Variants in ZMYM5 observed in about 807,000 individuals in gnomAD.
ZMYM5 encodes zinc finger MYM-type protein 5.
Under a neutral mutation model 61.8 loss-of-function variants are expected in ZMYM5, and 41 were observed. The observed-to-expected ratio is 0.66, with a 90% CI of 0.52 to 0.86. The LOEUF (loss-of-function observed/expected upper bound fraction) is 0.86. ZMYM5 is among the 40% of genes least tolerant of loss of function. The pLI is 0.00. For missense variants in ZMYM5, 706 were observed against 786.7 expected, an observed-to-expected ratio of 0.90 and a Z score of 1.23; for synonymous variants, 257 against 276.4, an observed-to-expected ratio of 0.93 and a Z score of 0.70.
At chr13:19,848,019 G>A (rs1227607229) in intron 4 of ZMYM5, among the ~76,000 whole-genome samples, 2 of 151,646 alleles carry the variant, frequency 1.3e-5, no homozygotes, top group Admixed American at 6.6e-5. Context: ...CGCCCAGGCT[G>A]GAGTGCAGTG....
At chr13:19,835,317 C>T (rs1952641263) in intron 7 of ZMYM5, among the ~76,000 whole-genome samples, 160 bp downstream of exon 7, 1 of 152,080 alleles carries the variant, frequency 6.6e-6, no homozygotes, top group African/African-American at 2.4e-5. Flanking sequence ...TTAAAACAAG[C>T]TTACAACAAT....
intron 4 of ZMYM5, among the ~76,000 whole-genome samples, chr13:19,843,864 GT>G (rs1952980078): frequency 1.3e-5 from 2 of 151,296 alleles, no homozygotes; most frequent in African/African-American, 4.9e-5. Flanking sequence ...GCCAGGTGCG[GT>G]GGCTCACGCC....
intron 4 of ZMYM5, 72 bp downstream of exon 4, chr13:19,851,266 AATGTGAATAAAATAGAT>A: frequency 8.3e-7 from 1 of 1,207,438 alleles, no homozygotes; most frequent in Non-Finnish European, 1.2e-6. Context: ...AAAGCCACAG[AATGTGAATAAAATAGAT>A]ATGAGCTTTA....
intron 2 of ZMYM5, among the ~76,000 whole-genome samples, chr13:19,861,613 G>A (rs1315340447): frequency 2.0e-5 from 3 of 152,180 alleles, no homozygotes; most frequent in African/African-American, 7.2e-5. Context: ...TCACAAGTTT[G>A]TTTTTGATGA....
chr13:19,829,478 CAG>C (rs1891095668), intron 7 of ZMYM5, among the ~76,000 whole-genome samples: 1 of 151,980 alleles, frequency 6.6e-6, no homozygotes, highest in Non-Finnish European at 1.5e-5. Context: ...TTTGTAGAGA[CAG>C]GGGTCTCACC....
chr13:19,851,698 T>C lies in ZMYM5; in HGVS notation c.483A>G (p.Ser161=), dbSNP rs1326729811. 1 of 1,569,902 alleles carries C rather than the reference T, an allele frequency of 6.4e-7. No homozygotes were observed. Among genetic ancestry groups the C allele is most frequent in the Admixed American group, 2.0e-5 (1 of 49,852 alleles). The change falls in exon 3 of 8, where the codon TCA becomes TCG. Residue 161 remains serine (S), a synonymous_variant. Transcript: ENST00000337963. ...NDLDFSTSSL[S]RSKTKTGVRP... is the part of the protein sequence containing the mutation. Reference sequence around the variant, plus strand: ...CCATTCCTGCATTTACCTTACTTCTTGAAAGACTGGAAGTGGAGAAATCCA... The same window carrying C: ...CCATTCCTGCATTTACCTTACTTCTCGAAAGACTGGAAGTGGAGAAATCCA...
At chr13:19,841,399 C>T (rs1462319946) in intron 4 of ZMYM5, among the ~76,000 whole-genome samples, 4 of 152,210 alleles carry the variant, frequency 2.6e-5, no homozygotes, top group African/African-American at 9.6e-5. Flanking sequence ...CATTTAGCTT[C>T]TCTGCAGCCT....
intron 2 of ZMYM5, among the ~76,000 whole-genome samples, chr13:19,852,893 G>A (rs2138623849): frequency 6.6e-6 from 1 of 152,288 alleles, no homozygotes; most frequent in Non-Finnish European, 1.5e-5. Context: ...TGTTGTCCAG[G>A]CTGGAGTGCA....
intron 2 of ZMYM5, among the ~76,000 whole-genome samples, chr13:19,861,449 G>C (rs903412638): frequency 6.6e-6 from 1 of 152,280 alleles, no homozygotes; most frequent in Non-Finnish European, 1.5e-5. Context: ...ACTGTGCCCA[G>C]CCACTTTACC....
intron 6 of ZMYM5, among the ~76,000 whole-genome samples, chr13:19,837,284 G>T (rs1388951087): frequency 6.6e-6 from 1 of 152,088 alleles, no homozygotes; most frequent in Non-Finnish European, 1.5e-5. Flanking sequence ...CTCCCAAAGT[G>T]CTGGGATTAC....
intron 6 of ZMYM5, among the ~76,000 whole-genome samples, chr13:19,836,944 G>A (rs1029723413): frequency 6.6e-6 from 1 of 151,974 alleles, no homozygotes; most frequent in African/African-American, 2.4e-5. Context: ...TTCTTGTACC[G>A]GGATCTGCTG....
intron 4 of ZMYM5, among the ~76,000 whole-genome samples, chr13:19,850,137 T>C (rs1566103137): frequency 6.6e-6 from 1 of 151,836 alleles, no homozygotes; most frequent in African/African-American, 2.4e-5. Flanking sequence ...CCCTCACAAG[T>C]CACATAAAAG....
At chr13:19,837,024 GT>G (rs11449895) in intron 6 of ZMYM5, among the ~76,000 whole-genome samples, 1,856 of 143,922 alleles carry the variant, frequency 0.013, 36 homozygotes, top group African/African-American at 0.041. Context: ...GTTGTTTTTT[GT>G]TTTTTTTTTT....
intron 6 of ZMYM5, among the ~76,000 whole-genome samples, chr13:19,837,009 G>C (rs1392150106): frequency 6.7e-6 from 1 of 149,842 alleles, no homozygotes; most frequent in Non-Finnish European, 1.5e-5. Context: ...TTGTTAGATG[G>C]GTATGTTGTT....
chr13:19,833,489 C>G (rs972018059), intron 7 of ZMYM5, among the ~76,000 whole-genome samples: 12 of 152,102 alleles, frequency 7.9e-5, no homozygotes, highest in Admixed American at 3.3e-4. Flanking sequence ...TCTCTGTTAG[C>G]CCATTTGTTT....
chr13:19,835,433 G>A (rs1381698782), intron 7 of ZMYM5, 44 bp downstream of exon 7: 1 of 1,247,788 alleles, frequency 8.0e-7, no homozygotes, highest in Non-Finnish European at 1.1e-6. Context: ...TAAGGGTGAA[G>A]CTACTATATA....
chr13:19,844,319 A>G (rs114416479), intron 4 of ZMYM5, among the ~76,000 whole-genome samples: 35 of 152,268 alleles, frequency 2.3e-4, no homozygotes, highest in African/African-American at 8.2e-4. Flanking sequence ...CAAAAAATAA[A>G]TAAGTAAAAG....
At chr13:19,855,898 C>T (rs550621655) in intron 2 of ZMYM5, among the ~76,000 whole-genome samples, 1 of 151,906 alleles carries the variant, frequency 6.6e-6, no homozygotes, top group East Asian at 2.0e-4. Context: ...AACCTGTAAT[C>T]CCAGCTACTC....
chr13:19,828,038 AAAAG>A (rs1301543256), intron 7 of ZMYM5, among the ~76,000 whole-genome samples: 1 of 151,550 alleles, frequency 6.6e-6, no homozygotes, highest in Non-Finnish European at 1.5e-5. Flanking sequence ...AAAAAAAAAA[AAAAG>A]ATGTATAAAA....
Sources: allele counts gnomAD v4.1 joint callset (sites outside exome capture counted in the v4.1 genomes callset), GRCh38; gene constraint gnomAD v4.1.1; transcripts MANE v1.5; gene names NCBI Gene and HGNC (gene_info 2026-07-23, HGNC 2026-07-21).